Variants in LRPAP1 observed in about 807,000 individuals in gnomAD.
LRPAP1 encodes alpha-2-macroglobulin receptor-associated protein.
A neutral mutation model predicts 39.9 loss-of-function variants in LRPAP1; 41 were observed. The ratio of observed to expected loss-of-function variants is 1.03; its 90% CI spans 0.80 to 1.33. LRPAP1 has a LOEUF of 1.33. Ranked by LOEUF, LRPAP1 falls within the 40% of genes most tolerant of loss-of-function variation. The pLI is 0.00. For missense variants in LRPAP1, 565 were observed against 482.3 expected, an observed-to-expected ratio of 1.17 and a Z score of -1.61; for synonymous variants, 263 against 212.7, an observed-to-expected ratio of 1.24 and a Z score of -2.06.
At chr4:3,513,105 A>G (rs1388619698) in intron 7 of LRPAP1, 69 bp from the exon 8 acceptor site, 4 of 1,240,288 alleles carry the variant, frequency 3.2e-6, no homozygotes, top group Non-Finnish European at 4.6e-6. Flanking sequence ...GCTCAGCCTC[A>G]TGTCAGGAGA....
In LRPAP1 at chr4:3,524,927, C is replaced by G. The variant is rs201485938; in HGVS notation, c.329G>C (p.Arg110Thr). 3.3e-5 allele frequency: 53 copies of G among 1,614,234 alleles called. No individual in the cohort carries two copies. The African/African-American group carries it at 5.6e-4, about 17-fold the overall frequency. Residue 110 changes from arginine to threonine, a missense_variant, in exon 2 of 8, where the codon AGA (arginine) becomes ACA (threonine). Transcript: ENST00000650182. ...CGTACCATTGAGGTTGCGTATGAGT[C>G]TCGCTTCCTTCTCCCCATCTTCGTC... is the stretch of plus-strand genomic sequence containing the variant. ...GLDEDGEKEA[R>T]LIRNLNVILA...
rs1388432469 is a variant in LRPAP1, at chr4:3,508,097, C to G, written c.*4877G>C. On this transcript the variant is annotated 3_prime_UTR_variant, in exon 8 of 8. Coordinates refer to ENST00000650182, the MANE Select transcript of LRPAP1 (RefSeq NM_002337.4). ...CTCAGCTCACTGCAACCTCCACCTC[C>G]TGAGTTCAAGTGATTCTCCTGCCTC... is the stretch of plus-strand genomic sequence containing the variant. 2 of 152,214 alleles carry G rather than the reference C, an allele frequency of 1.3e-5. No individual in the cohort carries two copies. Among genetic ancestry groups the G allele is most frequent in the Non-Finnish European group, 2.9e-5 (2 of 68,066 alleles). The allele number at this position is 152,214 out of a possible 1,614,324, so 9.4% of individuals were successfully genotyped here. A position where few individuals can be genotyped will look rare whatever the true frequency, so the allele number is the denominator to read the frequency against.
chr4:3,515,925 G>A (rs1242972257), intron 6 of LRPAP1, 191 bp downstream of exon 6: 9 of 615,424 alleles, frequency 1.5e-5, no homozygotes, highest in Admixed American at 8.6e-5. Context: ...GCCTGGCCCC[G>A]CCCCTGAAAC....
intron 1 of LRPAP1, among the ~76,000 whole-genome samples, chr4:3,531,792 C>T (rs1465675565): frequency 1.3e-5 from 2 of 152,242 alleles, no homozygotes; most frequent in Non-Finnish European, 2.9e-5. Context: ...TCCTTCTGTC[C>T]CTGGACACGT....
chr4:3,517,065 C>T (rs534858013), intron 5 of LRPAP1, among the ~76,000 whole-genome samples: 86 of 152,368 alleles, frequency 5.6e-4, no homozygotes, highest in African/African-American at 1.9e-3. Context: ...CAAACTGCAT[C>T]GCAGGCCTAC....
intron 1 of LRPAP1, 39 bp downstream of exon 1, chr4:3,532,170 C>A: frequency 5.2e-6 from 8 of 1,543,472 alleles, no homozygotes; most frequent in Non-Finnish European, 7.0e-6. Flanking sequence ...ACGGCCCCCG[C>A]CCCCAGGCCC....
intron 6 of LRPAP1, among the ~76,000 whole-genome samples, chr4:3,515,659 T>C (rs1246079982): frequency 6.6e-6 from 1 of 152,138 alleles, no homozygotes; most frequent in African/African-American, 2.4e-5. Context: ...ACCGAGCTGA[T>C]GAATTCTCCA....
At chr4:3,516,667 A>C (rs973194458) in intron 5 of LRPAP1, among the ~76,000 whole-genome samples, 1 of 152,202 alleles carries the variant, frequency 6.6e-6, no homozygotes, top group African/African-American at 2.4e-5. Flanking sequence ...CGTGAAAGTC[A>C]AACATTCGGG....
chr4:3,516,271 G>A (rs529512329), intron 5 of LRPAP1, 73 bp from the exon 6 acceptor site: 26 of 1,181,800 alleles, frequency 2.2e-5, no homozygotes, highest in East Asian at 8.5e-5. Context: ...CGGCAACCAC[G>A]CTGAGTGTGC....
intron 7 of LRPAP1, 83 bp from the exon 8 acceptor site, chr4:3,513,119 G>A (rs1019646839): frequency 1.7e-5 from 19 of 1,092,840 alleles, no homozygotes; most frequent in African/African-American, 4.7e-5. Context: ...CAGGAGACGC[G>A]CGATCCAAAA....
At chr4:3,525,084 G>C (rs767302623) in intron 1 of LRPAP1, 33 bp from the exon 2 acceptor site, 26 of 1,612,242 alleles carry the variant, frequency 1.6e-5, no homozygotes, top group Non-Finnish European at 2.0e-5. Flanking sequence ...TGTGAGCCAC[G>C]AGCAGGACGG....
At position 3,508,302 on chromosome 4, in the gene LRPAP1, G is replaced by C. The variant is rs1032374681; in HGVS notation, c.*4672C>G. The C allele has an allele frequency of 2.0e-5, 3 of 152,138 alleles. No individual in the cohort carries two copies. Among genetic ancestry groups the C allele is most frequent in the African/African-American group, 7.2e-5 (3 of 41,412 alleles). The allele number at this position is 152,138 out of a possible 1,614,324, so 9.4% of individuals were successfully genotyped here. On this transcript the variant is annotated 3_prime_UTR_variant, in exon 8 of 8. Transcript: ENST00000650182. Reference sequence around the variant, plus strand: ...ATTACAAGCGTGAGCCACCATGCCAGGCCTCATGTCTATTTTTAAAAATCA... The same window carrying C: ...ATTACAAGCGTGAGCCACCATGCCACGCCTCATGTCTATTTTTAAAAATCA...
chr4:3,514,889 T>C lies in LRPAP1; in HGVS notation c.874A>G (p.Asn292Asp). ...ATCTCCAGCTGCTTCTGGTAGTGGTTGTGCTTCTCGATTTTGGCTTCGAAG... is the reference window on the plus strand; with the variant it reads ...ATCTCCAGCTGCTTCTGGTAGTGGTCGTGCTTCTCGATTTTGGCTTCGAAG... ...KHFEAKIEKH[N>D]HYQKQLEIAH... The change falls in exon 7 of 8, where the codon AAC becomes GAC. Residue 292 changes from asparagine to aspartate, a missense_variant. Asn to Asp is a conservative substitution (Grantham distance 23). Coordinates refer to ENST00000650182, the MANE Select transcript of LRPAP1 (RefSeq NM_002337.4). The C allele has an allele frequency of 5.6e-6, 9 of 1,613,872 alleles. No homozygotes were observed. The highest frequency in any genetic ancestry group is 7.6e-6 in the Non-Finnish European group (9 of 1,179,906).
intron 1 of LRPAP1, among the ~76,000 whole-genome samples, chr4:3,526,663 G>A (rs75246463): frequency 0.013 from 2,053 of 152,258 alleles, 41 homozygotes; most frequent in African/African-American, 0.046. Flanking sequence ...TTCAAGACTC[G>A]CACGAAGCCA....
At chr4:3,520,006 GC>G in intron 3 of LRPAP1, 65 bp downstream of exon 3, 8 of 1,577,374 alleles carry the variant, frequency 5.1e-6, no homozygotes, top group Non-Finnish European at 6.9e-6. Flanking sequence ...GCCCCTCACA[GC>G]CCCCGCCTTA....
Position 3,505,574 on chromosome 4 carries a change from T to C in LRPAP1, c.*7400A>G, listed in dbSNP as rs1729327041. Among the ~76,000 whole-genome samples, 1 of 152,092 alleles carries C rather than the reference T, an allele frequency of 6.6e-6. No individual in the cohort carries two copies. The highest frequency in any genetic ancestry group is 1.5e-5 in the Non-Finnish European group (1 of 68,010). ...CACAACACCATGGCTGAGGTGCGCT[T>C]CCAGCTGCACCAGCAGCCCACACGC... is the stretch of plus-strand genomic sequence containing the variant. On this transcript the variant is annotated 3_prime_UTR_variant, in exon 8 of 8. Transcript: ENST00000650182.
chr4:3,529,915 G>A (rs755987742), intron 1 of LRPAP1, among the ~76,000 whole-genome samples: 4 of 152,214 alleles, frequency 2.6e-5, no homozygotes, highest in Non-Finnish European at 4.4e-5. Context: ...GGACAAGACC[G>A]TCCTGGCTGC....
At chr4:3,521,861 C>T (rs1337741830) in intron 2 of LRPAP1, among the ~76,000 whole-genome samples, 5 of 152,156 alleles carry the variant, frequency 3.3e-5, no homozygotes, top group African/African-American at 4.8e-5. Flanking sequence ...TTAGGCCGGG[C>T]GCGGTGGCTC....
intron 1 of LRPAP1, among the ~76,000 whole-genome samples, chr4:3,530,757 C>A (rs1474354914): frequency 6.6e-6 from 1 of 152,218 alleles, no homozygotes; most frequent in African/African-American, 2.4e-5. Context: ...AGACAGAGGA[C>A]CAGCTGGAGG....
Sources: gnomAD v4.1 joint callset for allele counts (sites outside exome capture counted in the v4.1 genomes callset) on GRCh38, gnomAD v4.1.1 for gene constraint, MANE v1.5 for transcripts, NCBI Gene and HGNC (gene_info 2026-07-23, HGNC 2026-07-21) for gene names.